The following PDGFRL variants were observed in gnomAD, a reference collection of about 807,000 sequenced individuals.
The protein encoded by PDGFRL is platelet derived growth factor receptor like.
PDGFRL carries 46 observed loss-of-function variants against 37.2 expected under a neutral mutation model. The ratio of observed to expected loss-of-function variants is 1.24; its 90% CI spans 0.98 to 1.58. The LOEUF is 1.58. PDGFRL is among the 40% of genes most tolerant of loss of function. The pLI is 0.00. For missense variants in PDGFRL, 692 were observed against 467.6 expected (o/e 1.48, Z -4.43); for synonymous variants, 251 against 184.3 (o/e 1.36, Z -2.93).
At chr8:17,584,689 C>T (rs2705093) in intron 1 of PDGFRL, among the ~76,000 whole-genome samples, 99,155 of 150,546 alleles carry the variant, frequency 0.66, 35,208 homozygotes, top group Non-Finnish European at 0.79. Flanking sequence ...TTTATCCTGG[C>T]ATTGAAGGAT....
At chr8:17,595,882 G>A (rs1804041852) in intron 2 of PDGFRL, among the ~76,000 whole-genome samples, 1 of 152,208 alleles carries the variant, frequency 6.6e-6, no homozygotes, top group African/African-American at 2.4e-5. Context: ...GCCTTTTGAG[G>A]GAGGGGCAGG....
chr8:17,628,475 T>C lies in PDGFRL; in HGVS notation c.506-12T>C, dbSNP rs376926742. 20 of 1,610,980 alleles carry C rather than the reference T, an allele frequency of 1.2e-5. No individual in the cohort carries two copies. In the Admixed American group the frequency reaches 2.0e-4, roughly 16 times the overall value. Reference sequence around the variant, plus strand: ...CGGAGTGAATAAGCCTGTGTCTTCCTTCCCTTTGCAGAGAAAGGAGAACTC... The same window carrying C: ...CGGAGTGAATAAGCCTGTGTCTTCCCTCCCTTTGCAGAGAAAGGAGAACTC... On this transcript the variant is annotated splice_polypyrimidine_tract_variant and intron_variant, in intron 3 of 5. Coordinates refer to ENST00000251630, the MANE Select transcript of PDGFRL (RefSeq NM_001372073.1).
At chr8:17,593,674 C>G (rs1430226732) in intron 2 of PDGFRL, among the ~76,000 whole-genome samples, 2 of 151,540 alleles carry the variant, frequency 1.3e-5, no homozygotes, top group Non-Finnish European at 2.9e-5. Context: ...GCGGGCGGAT[C>G]ACCGGAGGTC....
rs1255578258 is a variant in PDGFRL, at chr8:17,597,938, G to A, written c.353+8173G>A. On this transcript the variant is annotated intron_variant, in intron 2 of 5. Transcript: ENST00000251630. ...TTTATGTAGATCTCCTTATGATTTT[G>A]ATGACAATATGGTATTCCATCAATG... is the stretch of plus-strand genomic sequence containing the variant. Among the ~76,000 whole-genome samples, 4 of 151,166 alleles carry A rather than the reference G, an allele frequency of 2.6e-5. No homozygotes were observed. The South Asian group carries it at 8.5e-4, about 32-fold the overall frequency.
intron 2 of PDGFRL, among the ~76,000 whole-genome samples, chr8:17,609,803 C>G (rs183151205): frequency 1.3e-5 from 2 of 152,176 alleles, no homozygotes; most frequent in Admixed American, 1.3e-4. Flanking sequence ...GAGACTTGCT[C>G]ATGTTGCACA....
chr8:17,642,185 G>C (rs777885440), intron 5 of PDGFRL, among the ~76,000 whole-genome samples: 2 of 152,106 alleles, frequency 1.3e-5, no homozygotes, highest in Non-Finnish European at 2.9e-5. Context: ...CATTTATACA[G>C]TGGGTGCTTT....
rs1391908693 is a variant in PDGFRL, at chr8:17,607,174, G to T, written c.354-13877G>T. 2.0e-5 allele frequency among the ~76,000 whole-genome samples: 3 copies of T among 152,088 alleles called. No individual in the cohort carries two copies. In the East Asian group the frequency reaches 5.8e-4, roughly 29 times the overall value. The stretch of plus-strand genomic sequence containing the variant: ...GCCTGCGAGTTTCGTTTTAAGAAAC[G>T]TTTTAGACGTGTGTCTCAATCCCCT... On this transcript the variant is annotated intron_variant, in intron 2 of 5. Transcript: ENST00000251630.
intron 2 of PDGFRL, among the ~76,000 whole-genome samples, chr8:17,592,990 C>T (rs369943601): frequency 1.1e-4 from 17 of 151,978 alleles, no homozygotes; most frequent in East Asian, 9.7e-4. Context: ...TAAAAATAGA[C>T]GTATAAGTGA....
intron 2 of PDGFRL, among the ~76,000 whole-genome samples, chr8:17,612,784 A>G (rs1177924406): frequency 6.6e-6 from 1 of 152,236 alleles, no homozygotes; most frequent in East Asian, 1.9e-4. Context: ...AACGTGGTTA[A>G]CACAGTAATG....
At chr8:17,591,916 A>G (rs1803948947) in intron 2 of PDGFRL, among the ~76,000 whole-genome samples, 1 of 152,188 alleles carries the variant, frequency 6.6e-6, no homozygotes, top group Non-Finnish European at 1.5e-5. Context: ...CTGTGTCTCA[A>G]AAAAGAAACA....
intron 5 of PDGFRL, among the ~76,000 whole-genome samples, chr8:17,640,530 G>A (rs924374966): frequency 2.0e-5 from 3 of 152,074 alleles, no homozygotes; most frequent in Non-Finnish European, 4.4e-5. Flanking sequence ...GAGCCAAACT[G>A]CAGTGATTGT....
chr8:17,612,072 C>G (rs1804428551), intron 2 of PDGFRL, among the ~76,000 whole-genome samples: 2 of 152,094 alleles, frequency 1.3e-5, no homozygotes, highest in African/African-American at 4.8e-5. Context: ...TGCTGCACTC[C>G]AAATGATGTG....
chr8:17,636,923 G>T (rs936928993), intron 5 of PDGFRL, among the ~76,000 whole-genome samples: 36 of 152,164 alleles, frequency 2.4e-4, no homozygotes, highest in African/African-American at 7.7e-4. Flanking sequence ...CTTGGTTGCT[G>T]TTGGTTTATA....
At chr8:17,576,753 T>A, upstream of PDGFRL, 1 of 939,620 alleles carries the variant, frequency 1.1e-6, no homozygotes, top group Non-Finnish European at 1.3e-6. Context: ...GGGGCAACGG[T>A]CCTGTGAGTG....
chr8:17,581,842 C>G (rs1031612874), intron 1 of PDGFRL, among the ~76,000 whole-genome samples: 1 of 152,066 alleles, frequency 6.6e-6, no homozygotes, highest in Non-Finnish European at 1.5e-5. Context: ...CCCAGCCCTA[C>G]GTATTCCTCT....
At chr8:17,638,871 G>A (rs923034794) in intron 5 of PDGFRL, among the ~76,000 whole-genome samples, 24 of 144,852 alleles carry the variant, frequency 1.7e-4, no homozygotes, top group African/African-American at 5.3e-4. Flanking sequence ...TTTCTTTAAC[G>A]TTTGTTCTGT....
rs56410432 is a variant in PDGFRL, at chr8:17,583,282, T to C, written c.55+5975T>C. Among the ~76,000 whole-genome samples, 296 of 152,124 alleles carry C rather than the reference T, an allele frequency of 1.9e-3. 1 individual carries two copies. The highest frequency in any genetic ancestry group is 6.8e-3 in the African/African-American group (283 of 41,462). Reference sequence around the variant, plus strand: ...AGGGCTCATGTGGGGATCCCAGAATTAGAGAGCCACCAGCAGTATGCACCC... The same window carrying C: ...AGGGCTCATGTGGGGATCCCAGAATCAGAGAGCCACCAGCAGTATGCACCC... On this transcript the variant is annotated intron_variant, in intron 1 of 5. Coordinates refer to ENST00000251630, the MANE Select transcript of PDGFRL (RefSeq NM_001372073.1).
intron 2 of PDGFRL, among the ~76,000 whole-genome samples, chr8:17,609,005 G>A (rs570259020): frequency 6.6e-6 from 1 of 152,178 alleles, no homozygotes; most frequent in Non-Finnish European, 1.5e-5. Flanking sequence ...GATCACTTGA[G>A]CCCGGGAGTT....
intron 3 of PDGFRL, among the ~76,000 whole-genome samples, chr8:17,627,332 A>G (rs962809723): frequency 2.0e-5 from 3 of 152,134 alleles, no homozygotes; most frequent in East Asian, 3.9e-4. Flanking sequence ...CTAAAATCCA[A>G]TGTGCTTGTC....
Sources: gnomAD v4.1 joint callset for allele counts (sites outside exome capture counted in the v4.1 genomes callset) on GRCh38, gnomAD v4.1.1 for gene constraint, MANE v1.5 for transcripts, NCBI Gene and HGNC (gene_info 2026-07-23, HGNC 2026-07-21) for gene names.